USO1: variants seen among roughly 807,000 people sequenced by gnomAD.
USO1 encodes USO1 vesicle transport factor.
In USO1, 57 loss-of-function variants were observed where a neutral mutation model predicts 124.5. The observed-to-expected ratio is 0.46, with a 90% CI of 0.37 to 0.57. The LOEUF is 0.57. USO1 is among the 20% of genes least tolerant of loss of function. USO1 has a pLI of 0.00. For missense variants in USO1, 900 were observed against 1,040.6 expected (o/e 0.86, Z 1.86); for synonymous variants, 369 against 362.8 (o/e 1.02, Z -0.19).
At chr4:75,808,561 T>G (rs1261086202) in intron 20 of USO1, among the ~76,000 whole-genome samples, 1 of 152,152 alleles carries the variant, frequency 6.6e-6, no homozygotes, top group Non-Finnish European at 1.5e-5. Context: ...TCAGTGGTCA[T>G]CCTAGCTTTC....
At chr4:75,812,935 A>G (rs1366208003) in intron 23 of USO1, among the ~76,000 whole-genome samples, 1 of 152,016 alleles carries the variant, frequency 6.6e-6, no homozygotes, top group Non-Finnish European at 1.5e-5. Flanking sequence ...ACATGGTGAA[A>G]CCCCATCTCT....
At chr4:75,753,236 TA>T (rs1449280610) in intron 3 of USO1, among the ~76,000 whole-genome samples, 1 of 147,266 alleles carries the variant, frequency 6.8e-6, no homozygotes, top group East Asian at 2.1e-4. Flanking sequence ...CTGGGCAACA[TA>T]AAAAATAAAA....
At chr4:75,742,907 T>A (rs1177719558) in intron 1 of USO1, among the ~76,000 whole-genome samples, 5 of 152,178 alleles carry the variant, frequency 3.3e-5, no homozygotes, top group Non-Finnish European at 5.9e-5. Context: ...TCGTCTTCTT[T>A]GGTCGGTTTC....
In USO1 at chr4:75,813,658, T is replaced by C. The variant is rs2149199003; in HGVS notation, c.*363T>C. On this transcript the variant is annotated 3_prime_UTR_variant, in exon 24 of 24. Transcript: ENST00000514213. ...TTAAGTACTAACACATTTGATTGAA[T>C]GTGTATTGAATTGGAATTATTATTT... 6.3e-6 allele frequency: 1 copy of C among 157,996 alleles called. No homozygotes were observed. Among genetic ancestry groups the C allele is most frequent in the East Asian group, 1.8e-4 (1 of 5,488 alleles). 9.8% of individuals were successfully genotyped at this position (157,996 alleles called of 1,614,324 possible).
intron 16 of USO1, 118 bp downstream of exon 16, chr4:75,800,917 C>T: frequency 6.9e-7 from 1 of 1,441,766 alleles, no homozygotes; most frequent in Admixed American, 2.7e-5. Flanking sequence ...TTCTTCCTAG[C>T]TCTTGATCTG....
chr4:75,781,136 G>T (rs540028460), intron 8 of USO1, among the ~76,000 whole-genome samples: 1 of 152,190 alleles, frequency 6.6e-6, no homozygotes, highest in South Asian at 2.1e-4. Flanking sequence ...ACAGGAGTTT[G>T]GAAGAAGTTG....
chr4:75,777,229 T>C (rs944096151), intron 8 of USO1, among the ~76,000 whole-genome samples: 9 of 152,180 alleles, frequency 5.9e-5, no homozygotes, highest in Admixed American at 2.0e-4. Flanking sequence ...TTGGTAGTTT[T>C]ATATAGTATT....
chr4:75,761,202 A>C (rs1033944666), intron 4 of USO1, among the ~76,000 whole-genome samples: 90 of 152,326 alleles, frequency 5.9e-4, no homozygotes, highest in African/African-American at 2.2e-3. Context: ...AGGACAATTT[A>C]TTCAAAATTA....
chr4:75,783,193 C>T (rs948167488), intron 9 of USO1, among the ~76,000 whole-genome samples: 1 of 152,124 alleles, frequency 6.6e-6, no homozygotes, highest in Non-Finnish European at 1.5e-5. Context: ...TAAAAACCTG[C>T]TTTCTTCACT....
chr4:75,759,806 G>A (rs1228070782), intron 4 of USO1, among the ~76,000 whole-genome samples: 1 of 151,564 alleles, frequency 6.6e-6, no homozygotes, highest in Non-Finnish European at 1.5e-5. Flanking sequence ...CTACTTGAGA[G>A]ACTGAGGCAG....
At position 75,812,349 on chromosome 4, in the gene USO1, A is replaced by C; in HGVS notation, c.2773A>C (p.Asn925His). Residue 925 changes from asparagine (N) to histidine (H), a missense_variant, in exon 23 of 24, where the codon AAT (asparagine) becomes CAT (histidine). By Grantham distance (68) the Asn-to-His change is moderately conservative (BLOSUM62 1). Around this residue, in one of 2 missense-constraint regions of USO1, gnomAD observed 362 missense variants for 359.0 expected, o/e 1.01. Transcript: ENST00000514213. The part of the protein sequence containing the change: ...DQDQKILSLK[N>H]KLKDLGHPVE... ...AGATCAGAAAATACTGTCATTGAAGAATAAACTCAAGGATCTTGGTCATCC... is the reference window on the plus strand; with the variant it reads ...AGATCAGAAAATACTGTCATTGAAGCATAAACTCAAGGATCTTGGTCATCC... 6.3e-7 allele frequency: 1 copy of C among 1,596,358 alleles called. No homozygotes were observed. The highest frequency in any genetic ancestry group is 8.5e-7 in the Non-Finnish European group (1 of 1,170,950).
chr4:75,746,246 T>G (rs887896650), intron 1 of USO1, among the ~76,000 whole-genome samples: 1 of 152,236 alleles, frequency 6.6e-6, no homozygotes, highest in African/African-American at 2.4e-5. Context: ...GGACGTGAAC[T>G]TAAAGATACT....
intron 1 of USO1, among the ~76,000 whole-genome samples, chr4:75,729,297 A>T (rs1720559589): frequency 2.0e-5 from 3 of 150,706 alleles, no homozygotes; most frequent in Admixed American, 2.0e-4. Context: ...ATGTAAGCTT[A>T]TGTGTGCTTA....
At chr4:75,790,047 T>TAAA (rs67037358) in intron 10 of USO1, 103 bp from the exon 11 acceptor site, 85 of 1,005,736 alleles carry the variant, frequency 8.5e-5, no homozygotes, top group East Asian at 1.6e-4. Flanking sequence ...TAAAGTATAA[T>TAAA]AAAAAAAAAA....
At chr4:75,802,763 A>G (rs1436826678) in intron 17 of USO1, among the ~76,000 whole-genome samples, 4 of 31,672 alleles carry the variant, frequency 1.3e-4, no homozygotes, top group Non-Finnish European at 2.2e-4. Flanking sequence ...TTTTTTTTTG[A>G]GACAGTTTCG....
intron 1 of USO1, among the ~76,000 whole-genome samples, chr4:75,742,899 G>A (rs1399563435): frequency 2.0e-5 from 3 of 151,976 alleles, no homozygotes; most frequent in Non-Finnish European, 2.9e-5. Flanking sequence ...ACTACTAATC[G>A]TCTTCTTTGG....
Position 75,752,436 on chromosome 4 carries a change from C to T in USO1, c.130C>T (p.Arg44Cys), listed in dbSNP as rs1277717189. Residue 44 changes from arginine to cysteine, a missense_variant, in exon 2 of 24, where the codon CGT becomes TGT. Around this residue, in one of 2 missense-constraint regions of USO1, gnomAD observed 538 missense variants for 681.6 expected, o/e 0.79. Coordinates refer to ENST00000514213, the MANE Select transcript of USO1 (RefSeq NM_003715.4). The stretch of plus-strand genomic sequence containing the variant: ...ATTGGATGATCGAAGAAATGCTGTT[C>T]GTGCTCTCAAATCATTATCTAAGGT... ...TLLDDRRNAVRALKSLSKKYR... is the reference protein window; with the variant it reads ...TLLDDRRNAVCALKSLSKKYR... The T allele has an allele frequency of 1.0e-5, 4 of 398,090 alleles. No individual in the cohort carries two copies. Among genetic ancestry groups the T allele is most frequent in the Admixed American group, 4.4e-5 (1 of 22,670 alleles). The allele number at this position is 398,090 out of a possible 1,614,324, so 24.7% of individuals were successfully genotyped here. A position where few individuals can be genotyped will look rare whatever the true frequency, so the allele number is the denominator to read the frequency against.
intron 4 of USO1, among the ~76,000 whole-genome samples, chr4:75,759,928 T>C (rs1472783226): frequency 4.0e-5 from 5 of 125,084 alleles, no homozygotes; most frequent in Non-Finnish European, 8.5e-5. Flanking sequence ...AAAAAAAAAA[T>C]AGACCAGACA....
At chr4:75,736,525 A>G (rs1426633539) in intron 1 of USO1, among the ~76,000 whole-genome samples, 1 of 151,106 alleles carries the variant, frequency 6.6e-6, no homozygotes, top group Non-Finnish European at 1.5e-5. Flanking sequence ...CTGGTCTCGA[A>G]CTCCTGACCT....
Sources: gnomAD v4.1 joint callset for allele counts (sites outside exome capture counted in the v4.1 genomes callset) on GRCh38, gnomAD v4.1.1 for gene constraint, gnomAD v4.1.1 regional missense constraint, MANE v1.5 for transcripts, NCBI Gene and HGNC (gene_info 2026-07-23, HGNC 2026-07-21) for gene names.